LMCD1: variants seen among roughly 807,000 people sequenced by gnomAD.
The protein encoded by LMCD1 is LIM and cysteine rich domains 1.
Under a neutral mutation model 42.7 loss-of-function variants are expected in LMCD1, and 32 were observed. That is an observed-to-expected ratio of 0.75 (90% CI 0.57 to 1.01). The LOEUF (loss-of-function observed/expected upper bound fraction) is 1.01, where lower values mean the gene tolerates loss of function less well. LMCD1 is among the 50% of genes least tolerant of loss of function. The pLI, the probability that LMCD1 is intolerant of heterozygous loss-of-function variation, is 0.00. For synonymous variants in LMCD1, 178 were observed against 184.9 expected (o/e 0.96, Z 0.30); for missense variants, 458 against 483.1 (o/e 0.95, Z 0.49).
chr3:8,518,446 T>A (rs1055989445), intron 1 of LMCD1, among the ~76,000 whole-genome samples: 4 of 152,232 alleles, frequency 2.6e-5, no homozygotes, highest in Non-Finnish European at 5.9e-5. Context: ...TCCTGCCTTC[T>A]GAGTATACCA....
chr3:8,542,474 C>T (rs1406456556), intron 3 of LMCD1, among the ~76,000 whole-genome samples: 3 of 152,112 alleles, frequency 2.0e-5, no homozygotes, highest in South Asian at 2.1e-4. Context: ...ATCTGGCTGG[C>T]GAAGCCGCTG....
chr3:8,502,266 A>T (rs375985059), intron 1 of LMCD1, among the ~76,000 whole-genome samples: 22 of 72,714 alleles, frequency 3.0e-4, no homozygotes, highest in Non-Finnish European at 5.6e-4. Context: ...ATGTATATAA[A>T]ATATATATAT....
At position 8,552,914 on chromosome 3, in the gene LMCD1, G is replaced by A. The variant is rs147249972; in HGVS notation, c.723+4011G>A. ...AATTTTTTGTATTTTTAGTAGAGAT[G>A]GGGTTTCATCGTGTTAGCCAGGATG... On this transcript the variant is annotated intron_variant, in intron 4 of 5. Transcript: ENST00000157600. Among the ~76,000 whole-genome samples, 749 of 152,206 alleles carry A rather than the reference G, an allele frequency of 4.9e-3. 28 individuals carry two copies. The East Asian group carries it at 0.096, about 20-fold the overall frequency.
chr3:8,524,610 C>A (rs112934347), intron 1 of LMCD1, among the ~76,000 whole-genome samples: 7 of 152,180 alleles, frequency 4.6e-5, no homozygotes, highest in South Asian at 2.1e-4. Flanking sequence ...GAATTTTTTT[C>A]AGCCTTATTG....
chr3:8,531,750 G>A (rs1694416537), intron 1 of LMCD1, among the ~76,000 whole-genome samples: 1 of 152,168 alleles, frequency 6.6e-6, no homozygotes, highest in Non-Finnish European at 1.5e-5. Context: ...GTCTTATGTT[G>A]TATTCCTGTG....
intron 1 of LMCD1, among the ~76,000 whole-genome samples, chr3:8,513,656 A>T (rs1694043306): frequency 6.6e-6 from 1 of 152,242 alleles, no homozygotes; most frequent in African/African-American, 2.4e-5. Flanking sequence ...AAGGAGGCAA[A>T]GAAGAAATGA....
intron 4 of LMCD1, among the ~76,000 whole-genome samples, chr3:8,558,077 G>A (rs1380798635): frequency 1.3e-5 from 2 of 152,164 alleles, no homozygotes; most frequent in Non-Finnish European, 2.9e-5. Flanking sequence ...AGAGAGCCCA[G>A]GGGAAAACAC....
At chr3:8,532,660 C>A (rs868586528) in intron 1 of LMCD1, 77 bp from the exon 2 acceptor site, 4 of 1,271,434 alleles carry the variant, frequency 3.1e-6, no homozygotes, top group Middle Eastern at 3.7e-4. Context: ...GCCAGCACGC[C>A]AAGTCTTTTA....
Position 8,521,558 on chromosome 3 carries a change from C to A in LMCD1, c.43-11179C>A, listed in dbSNP as rs375628441. 5.1e-4 allele frequency among the ~76,000 whole-genome samples: 77 copies of A among 152,306 alleles called. 1 individual carries two copies. In the South Asian group the frequency reaches 0.016, roughly 31 times the overall value. On this transcript the variant is annotated intron_variant, in intron 1 of 5. Coordinates refer to ENST00000157600, the MANE Select transcript of LMCD1 (RefSeq NM_014583.4). ...CTTATAGCTCCTCTGTCCAAACGTC[C>A]CTCACATCAGGCTGTTCCAAGAGTT... is the stretch of plus-strand genomic sequence containing the variant.
In LMCD1 at chr3:8,548,837, G is replaced by C. The variant is rs1237241083; in HGVS notation, c.657G>C (p.Glu219Asp). The change falls in exon 4 of 6, where the codon GAG becomes GAC. Residue 219 changes from glutamate to aspartate, a missense_variant. By Grantham distance (45) the Glu-to-Asp change is conservative. Transcript: ENST00000157600. Reference sequence around the variant, plus strand: ...AGGGGAAGCAGCAGGAAAAGCCAGAGGGGGCAGAGACCACTGCTGCTACCA... The same window carrying C: ...AGGGGAAGCAGCAGGAAAAGCCAGACGGGGCAGAGACCACTGCTGCTACCA... ...KEEGKQQEKP[E>D]GAETTAATTN... The C allele has an allele frequency of 6.3e-7, 1 of 1,596,142 alleles. No homozygotes were observed. The highest frequency in any genetic ancestry group is 1.7e-5 in the Admixed American group (1 of 59,334).
chr3:8,528,971 C>A (rs1471345660), intron 1 of LMCD1, among the ~76,000 whole-genome samples: 2 of 152,190 alleles, frequency 1.3e-5, no homozygotes, highest in African/African-American at 4.8e-5. Flanking sequence ...CAAAACATTT[C>A]TTTCTGTTCT....
At chr3:8,565,314 G>A (rs890596558) in intron 4 of LMCD1, 118 bp from the exon 5 acceptor site, 1 of 800,516 alleles carries the variant, frequency 1.2e-6, no homozygotes, top group African/African-American at 1.7e-5. Context: ...GCACGAAGAG[G>A]TATAGTGACT....
Position 8,542,205 on chromosome 3 carries a change from T to C in LMCD1, c.387+4765T>C, listed in dbSNP as rs183263630. Among the ~76,000 whole-genome samples, 949 of 152,014 alleles carry C rather than the reference T, an allele frequency of 6.2e-3. 11 individuals are homozygous for C. Among genetic ancestry groups the C allele is most frequent in the South Asian group, 0.01 (49 of 4,800 alleles). ...TAAGTAGAGATGGGGTTTTACCATG[T>C]TGGCCAGGCTGGTCTCAAACTCCTG... is the stretch of plus-strand genomic sequence containing the variant. On this transcript the variant is annotated intron_variant, in intron 3 of 5. Coordinates refer to ENST00000157600, the MANE Select transcript of LMCD1 (RefSeq NM_014583.4).
intron 1 of LMCD1, among the ~76,000 whole-genome samples, chr3:8,531,629 A>G (rs998088304): frequency 2.6e-5 from 4 of 152,164 alleles, no homozygotes; most frequent in African/African-American, 9.7e-5. Flanking sequence ...TTTACTACAC[A>G]ACATGCAGCT....
intron 4 of LMCD1, among the ~76,000 whole-genome samples, chr3:8,549,187 T>G (rs552097933): frequency 6.6e-6 from 1 of 152,206 alleles, no homozygotes; most frequent in South Asian, 2.1e-4. Flanking sequence ...GAGGGTAAGC[T>G]TCAAGAAGTT....
chr3:8,522,920 T>A (rs1460387230), intron 1 of LMCD1, among the ~76,000 whole-genome samples: 1 of 152,170 alleles, frequency 6.6e-6, no homozygotes, highest in African/African-American at 2.4e-5. Flanking sequence ...ACTCCTGACA[T>A]CACGAGATAA....
intron 1 of LMCD1, among the ~76,000 whole-genome samples, chr3:8,520,923 T>C (rs1399808991): frequency 2.6e-5 from 4 of 152,196 alleles, no homozygotes; most frequent in Non-Finnish European, 5.9e-5. Flanking sequence ...CGGGCTGACT[T>C]TTCTAGAAAC....
intron 1 of LMCD1, among the ~76,000 whole-genome samples, chr3:8,526,047 C>G (rs549382928): frequency 6.6e-6 from 1 of 152,286 alleles, no homozygotes; most frequent in Admixed American, 6.5e-5. Context: ...CAGGCTTGCC[C>G]AGACTTGCTG....
At chr3:8,548,061 T>A (rs1479390373) in intron 3 of LMCD1, among the ~76,000 whole-genome samples, 3 of 152,184 alleles carry the variant, frequency 2.0e-5, no homozygotes, top group Non-Finnish European at 4.4e-5. Context: ...TATATAAACA[T>A]ATCTAAACCT....
Sources: gnomAD v4.1 joint callset for allele counts (sites outside exome capture counted in the v4.1 genomes callset) on GRCh38, gnomAD v4.1.1 for gene constraint, MANE v1.5 for transcripts, NCBI Gene and HGNC (gene_info 2026-07-23, HGNC 2026-07-21) for gene names.